The following BBS1 variants were observed in gnomAD, a reference collection of about 807,000 sequenced individuals.
BBS1 encodes BBSome complex member BBS1.
BBS1 carries 60 observed loss-of-function variants against 73.9 expected under a neutral mutation model. That is an observed-to-expected ratio of 0.81 (90% CI 0.66 to 1.01). The LOEUF is 1.01. Among genes scored for constraint, BBS1 ranks in the 50% least tolerant of loss-of-function variants. BBS1 has a pLI of 0.00. For missense variants in BBS1, 718 were observed against 770.3 expected (o/e 0.93, Z 0.80); for synonymous variants, 283 against 317.4 (o/e 0.89, Z 1.15).
intron 7 of BBS1, among the ~76,000 whole-genome samples, chr11:66,516,591 C>T (rs934316847): frequency 3.3e-5 from 5 of 152,144 alleles, no homozygotes. Context: ...TCCTCCGTCA[C>T]CCAGGCTGGA....
chr11:66,526,212 G>A lies in BBS1; in HGVS notation c.1180+20G>A. ...CTCGAGGTGAGTGGAGTCAGACCTGGCAAGGGCTTTGAAGTCGGGAGTGAA... is the reference window on the plus strand; with the variant it reads ...CTCGAGGTGAGTGGAGTCAGACCTGACAAGGGCTTTGAAGTCGGGAGTGAA... On this transcript the variant is annotated intron_variant, in intron 12 of 16. Coordinates refer to ENST00000318312, the MANE Select transcript of BBS1 (RefSeq NM_024649.5). The A allele has an allele frequency of 6.2e-7, 1 of 1,613,034 alleles. No individual in the cohort carries two copies. Among genetic ancestry groups the A allele is most frequent in the East Asian group, 2.2e-5 (1 of 44,864 alleles).
intron 9 of BBS1, chr11:66,521,592 A>C (rs922518826): frequency 3.4e-6 from 2 of 586,136 alleles, no homozygotes; most frequent in Non-Finnish European, 6.2e-6. Context: ...CTGGGTGGCT[A>C]TAGTACAGGA....
Position 66,515,919 on chromosome 11 carries a change from T to G in BBS1, c.577T>G (p.Ser193Ala). The change falls in exon 7 of 17, where the codon TCC becomes GCC. Residue 193 changes from serine (S) to alanine (A), a missense_variant. Ser to Ala is a moderately conservative substitution (Grantham distance 99, BLOSUM62 1). Coordinates refer to ENST00000318312, the MANE Select transcript of BBS1 (RefSeq NM_024649.5). The stretch of plus-strand genomic sequence containing the variant: ...ATTTGTAAACCAACACAAGTCCAAC[T>G]CCATCAAGCGGCAGGTAATACCCCC... ...EAFVNQHKSN[S>A]IKRQTVITTM... The G allele has an allele frequency of 6.2e-7, 1 of 1,614,140 alleles. No homozygotes were observed. The highest frequency in any genetic ancestry group is 8.5e-7 in the Non-Finnish European group (1 of 1,180,026).
At chr11:66,528,837 G>A (rs771788366) in intron 13 of BBS1, among the ~76,000 whole-genome samples, 13 of 151,918 alleles carry the variant, frequency 8.6e-5, no homozygotes, top group Admixed American at 3.3e-4. Flanking sequence ...GCTTGGCGGC[G>A]CGTGCCTGTA....
chr11:66,511,132 G>A (rs770554491), intron 2 of BBS1, 43 bp downstream of exon 2: 1 of 1,613,728 alleles, frequency 6.2e-7, no homozygotes, highest in Non-Finnish European at 8.5e-7. Flanking sequence ...AGTGGGATGG[G>A]GAGTCAGACA....
In BBS1 at chr11:66,523,860, T is replaced by C. The variant is rs540217506; in HGVS notation, c.1088T>C (p.Leu363Pro). 5.8e-5 allele frequency: 94 copies of C among 1,613,504 alleles called. 1 individual carries two copies. The South Asian group carries it at 9.2e-4, about 16-fold the overall frequency. ...GTCCGCATTTATCGTGACAAGGCCC[T>C]GCTCAATGTCATCCACACCCCGGTG... ...GEVRIYRDKALLNVIHTPDAV... is the reference protein window; with the variant it reads ...GEVRIYRDKAPLNVIHTPDAV... Residue 363 changes from leucine (L) to proline (P), a missense_variant, in exon 11 of 17, where the codon CTG (leucine) becomes CCG (proline). Coordinates refer to ENST00000318312, the MANE Select transcript of BBS1 (RefSeq NM_024649.5).
chr11:66,528,989 A>G (rs917518184), intron 13 of BBS1: 2 of 634,726 alleles, frequency 3.2e-6, no homozygotes, highest in Admixed American at 6.4e-5. Flanking sequence ...AAAAAAAAAA[A>G]GGAAGAAAAT....
In BBS1 at chr11:66,514,280, A is replaced by G; in HGVS notation, c.160-126A>G. 3.0e-6 allele frequency: 4 copies of G among 1,320,950 alleles called. No individual in the cohort carries two copies. In the South Asian group the frequency reaches 4.7e-5, roughly 16 times the overall value. 81.8% of individuals were successfully genotyped at this position (1,320,950 alleles called of 1,614,324 possible). On this transcript the variant is annotated intron_variant, in intron 3 of 16. Transcript: ENST00000318312. ...ACTTTCCCAAGGTCAGGCAGCTTGAAAGCCTGAGGGCAAAGCCTTTATTGG... is the reference window on the plus strand; with the variant it reads ...ACTTTCCCAAGGTCAGGCAGCTTGAGAGCCTGAGGGCAAAGCCTTTATTGG...
At chr11:66,522,007 G>A (rs1426312298) in intron 9 of BBS1, among the ~76,000 whole-genome samples, 2 of 150,146 alleles carry the variant, frequency 1.3e-5, no homozygotes, top group African/African-American at 4.9e-5. Context: ...CATGAGGTCA[G>A]GAGATCCAGA....
chr11:66,527,307 G>A (rs1035199120), intron 13 of BBS1, among the ~76,000 whole-genome samples: 7 of 151,584 alleles, frequency 4.6e-5, no homozygotes, highest in East Asian at 1.9e-4. Flanking sequence ...TTCATTCATC[G>A]TTCGTTCATT....
chr11:66,511,326 C>A lies in BBS1; in HGVS notation c.159+87C>A. The A allele has an allele frequency of 2.7e-6, 4 of 1,497,590 alleles. No homozygotes were observed. In the South Asian group the frequency reaches 4.6e-5, roughly 17 times the overall value. 92.8% of individuals were successfully genotyped at this position (1,497,590 alleles called of 1,614,324 possible). A position where few individuals can be genotyped will look rare whatever the true frequency, so the allele number is the denominator to read the frequency against. ...TCCTGACGGCTGAAAATAGGCCCAG[C>A]ATACTCTGGAATTCACATATACTGT... On this transcript the variant is annotated intron_variant, in intron 3 of 16. Coordinates refer to ENST00000318312, the MANE Select transcript of BBS1 (RefSeq NM_024649.5).
At position 66,519,659 on chromosome 11, in the gene BBS1, G is replaced by A. The variant is rs2134780459; in HGVS notation, c.634G>A (p.Asp212Asn). Residue 212 changes from aspartate (D) to asparagine (N), a missense_variant, in exon 8 of 17, where the codon GAC becomes AAC. Physicochemically the swap from Asp to Asn is conservative, Grantham distance 23. Coordinates refer to ENST00000318312, the MANE Select transcript of BBS1 (RefSeq NM_024649.5). ...GACCACCTTGAAGAAGAACCTGGCT[G>A]ACGAGGATGCTGTGTCTTGCCTGGT... ...TMTTLKKNLA[D>N]EDAVSCLVLG... is the part of the protein sequence containing the mutation. 1.2e-6 allele frequency: 2 copies of A among 1,613,896 alleles called. No homozygotes were observed. Among genetic ancestry groups the A allele is most frequent in the Non-Finnish European group, 1.7e-6 (2 of 1,179,976 alleles).
intron 4 of BBS1, among the ~76,000 whole-genome samples, chr11:66,515,141 GTGT>G (rs1856022632): frequency 6.6e-6 from 1 of 152,074 alleles, no homozygotes; most frequent in East Asian, 1.9e-4. Flanking sequence ...TCTGGACAAG[GTGT>G]TGTGCTTGGC....
intron 13 of BBS1, chr11:66,529,205 G>GC: frequency 1.4e-5 from 13 of 957,094 alleles, no homozygotes; most frequent in Non-Finnish European, 1.9e-5. Flanking sequence ...GGCGGGGTGG[G>GC]CCCTGGAGGT....
At position 66,521,137 on chromosome 11, in the gene BBS1, G is replaced by A. The variant is rs1856196806; in HGVS notation, c.724-133G>A. On this transcript the variant is annotated intron_variant, in intron 8 of 16. Transcript: ENST00000318312. Reference sequence around the variant, plus strand: ...CCCCAAGTTTCCCTCCTGAAAAACTGTATGAGTTTAAACTGGGTGTAAGTG... The same window carrying A: ...CCCCAAGTTTCCCTCCTGAAAAACTATATGAGTTTAAACTGGGTGTAAGTG... The A allele has an allele frequency of 4.7e-5, 35 of 746,408 alleles. 1 individual carries two copies. Among genetic ancestry groups the A allele is most frequent in the South Asian group, 4.6e-4 (31 of 67,744 alleles). 46.2% of individuals were successfully genotyped at this position (746,408 alleles called of 1,614,324 possible).
intron 7 of BBS1, 60 bp downstream of exon 7, chr11:66,515,993 A>G (rs1856041191): frequency 1.3e-6 from 2 of 1,537,338 alleles, no homozygotes; most frequent in Admixed American, 1.7e-5. Flanking sequence ...TTAAAAGACC[A>G]CTTAACATCA....
chr11:66,531,797 T>C lies in BBS1; in HGVS notation c.1695+55T>C, dbSNP rs745729033. The C allele has an allele frequency of 1.9e-6, 3 of 1,612,056 alleles. No individual in the cohort carries two copies. The South Asian group carries it at 3.3e-5, about 18-fold the overall frequency. ...GTGAGCAGGACCCTGGGGAGGACAG[T>C]AAGGGTGAGTGCCAACAAAGACCTT... On this transcript the variant is annotated intron_variant, in intron 16 of 16. Coordinates refer to ENST00000318312, the MANE Select transcript of BBS1 (RefSeq NM_024649.5).
intron 11 of BBS1, 146 bp from the exon 12 acceptor site, chr11:66,525,975 AAT>A (rs1856470710): frequency 1.4e-6 from 1 of 712,530 alleles, no homozygotes; most frequent in African/African-American, 1.8e-5. Flanking sequence ...GGAGATGAGA[AAT>A]ATAGGAAATA....
rs1371267527 is a variant in BBS1 at position 66,521,352 on chromosome 11, A to G, written c.806A>G (p.Asn269Ser). Reference protein sequence around the residue: ...VEFRLAAACRNGNIYILRRDS... With the variant: ...VEFRLAAACRSGNIYILRRDS... ...TTCCGGCTTGCCGCGGCCTGCCGCA[A>G]TGGAAACATCTATATTCTGAGAAGG... is the stretch of plus-strand genomic sequence containing the variant. Residue 269 changes from asparagine (N) to serine (S), a missense_variant, in exon 9 of 17, where the codon AAT (asparagine) becomes AGT (serine). Transcript: ENST00000318312. The G allele has an allele frequency of 1.1e-5, 17 of 1,614,084 alleles. No homozygotes were observed. The highest frequency in any genetic ancestry group is 2.7e-5 in the African/African-American group (2 of 74,948).
Sources: gnomAD v4.1 joint callset for allele counts (sites outside exome capture counted in the v4.1 genomes callset) on GRCh38, gnomAD v4.1.1 for gene constraint, MANE v1.5 for transcripts, NCBI Gene and HGNC (gene_info 2026-07-23, HGNC 2026-07-21) for gene names.